MTRF1: variants seen among roughly 807,000 people sequenced by gnomAD.
The protein encoded by MTRF1 is mitochondrial translation release factor 1, also known as peptide chain release factor 1, mitochondrial.
Under a neutral mutation model 62.9 loss-of-function variants are expected in MTRF1, and 51 were observed. The ratio of observed to expected loss-of-function variants is 0.81; its 90% CI spans 0.65 to 1.02. The LOEUF is 1.02. MTRF1 is among the 50% of genes least tolerant of loss of function. The pLI is 0.00. For synonymous variants in MTRF1, 158 were observed against 181.9 expected, an observed-to-expected ratio of 0.87 and a Z score of 1.06; for missense variants, 446 against 530.0, an observed-to-expected ratio of 0.84 and a Z score of 1.56.
At chr13:41,289,749 T>C in the MTRF1 span, among the ~76,000 whole-genome samples, 1 of 152,172 alleles carries the variant, frequency 6.6e-6, no homozygotes, top group African/African-American at 2.4e-5. Context: ...AGAGATCCAC[T>C]GAAAACCGCA....
chr13:41,258,577 A>AAC (rs72245711), intron 2 of MTRF1, among the ~76,000 whole-genome samples: 12,566 of 40,920 alleles, frequency 0.31, 736 homozygotes, highest in African/African-American at 0.37. Context: ...AAAAAAAACA[A>AAC]AAAAAAAAAA....
the MTRF1 span, among the ~76,000 whole-genome samples, chr13:41,306,281 G>A: frequency 2.6e-5 from 4 of 152,070 alleles, no homozygotes; most frequent in Admixed American, 1.3e-4. Context: ...CTACTCCGGA[G>A]GCTGAGACAG....
chr13:41,243,066 ATAATTAGC>A (rs1045147395), intron 5 of MTRF1, among the ~76,000 whole-genome samples: 2 of 152,006 alleles, frequency 1.3e-5, no homozygotes, highest in African/African-American at 4.8e-5. Flanking sequence ...TAAAAATACA[ATAATTAGC>A]TGGGCGTGGT....
intron 7 of MTRF1, among the ~76,000 whole-genome samples, chr13:41,231,358 C>T (rs2035523184): frequency 6.6e-6 from 1 of 152,218 alleles, no homozygotes; most frequent in African/African-American, 2.4e-5. Context: ...CTCAAGTCTC[C>T]TTCCTCAATC....
chr13:41,297,433 CT>C, the MTRF1 span, among the ~76,000 whole-genome samples: 1 of 152,222 alleles, frequency 6.6e-6, no homozygotes, highest in Non-Finnish European at 1.5e-5. Flanking sequence ...CTGGCTGCCA[CT>C]TCCAAAACTG....
chr13:41,219,998 CAAAAAA>C (rs71086550), intron 9 of MTRF1, among the ~76,000 whole-genome samples: 4 of 70,372 alleles, frequency 5.7e-5, no homozygotes, highest in Admixed American at 2.1e-4. Flanking sequence ...ACCTCTGTCT[CAAAAAA>C]AAAAAAAAAA....
At chr13:41,247,648 T>C (rs899154388) in intron 5 of MTRF1, among the ~76,000 whole-genome samples, 1 of 152,158 alleles carries the variant, frequency 6.6e-6, no homozygotes, top group African/African-American at 2.4e-5. Flanking sequence ...CCTCCAGAAC[T>C]GCAGTATTGC....
At chr13:41,274,626 G>A in the MTRF1 span, among the ~76,000 whole-genome samples, 20 of 151,410 alleles carry the variant, frequency 1.3e-4, no homozygotes, top group Admixed American at 3.3e-4. Context: ...TTTACTCCAC[G>A]ATAACTTTGA....
At chr13:41,255,311 G>A (rs2039563368) in intron 2 of MTRF1, among the ~76,000 whole-genome samples, 1 of 152,046 alleles carries the variant, frequency 6.6e-6, no homozygotes, top group South Asian at 2.1e-4. Context: ...CAAACTCCTG[G>A]ACTCAAGCGA....
chr13:41,306,143 G>C, the MTRF1 span, among the ~76,000 whole-genome samples: 1 of 152,190 alleles, frequency 6.6e-6, no homozygotes, highest in Non-Finnish European at 1.5e-5. Context: ...AGCACTTTGG[G>C]AGGCCGAGGT....
At chr13:41,237,303 T>A (rs1214544991) in intron 6 of MTRF1, among the ~76,000 whole-genome samples, 1 of 148,940 alleles carries the variant, frequency 6.7e-6, no homozygotes, top group Admixed American at 6.7e-5. Flanking sequence ...TGAAGCAAGA[T>A]AACTCTATGG....
chr13:41,278,902 G>A, the MTRF1 span, among the ~76,000 whole-genome samples: 6 of 152,298 alleles, frequency 3.9e-5, no homozygotes, highest in African/African-American at 1.4e-4. Flanking sequence ...ATGATGGGAA[G>A]GGGGAGCTGA....
Position 41,216,856 on chromosome 13 carries a change from A to G in MTRF1, c.*259T>C, listed in dbSNP as rs1172724391. 8.8e-6 allele frequency: 2 copies of G among 227,890 alleles called. No individual in the cohort carries two copies. Among genetic ancestry groups the G allele is most frequent in the Non-Finnish European group, 1.7e-5 (2 of 119,088 alleles). 14.1% of individuals were successfully genotyped at this position (227,890 alleles called of 1,614,324 possible). A position where few individuals can be genotyped will look rare whatever the true frequency, so the allele number is the denominator to read the frequency against. ...CAAGTGACTTGTCCTAAATGACACA[A>G]TCAATTCTCAATACTTTCTCTTTTC... On this transcript the variant is annotated 3_prime_UTR_variant, in exon 10 of 10. Transcript: ENST00000379480.
At chr13:41,250,496 A>T (rs1187912764) in intron 5 of MTRF1, among the ~76,000 whole-genome samples, 1 of 151,258 alleles carries the variant, frequency 6.6e-6, no homozygotes, top group Admixed American at 6.6e-5. Context: ...ATTTACTCCA[A>T]ATTTTTTTTT....
intron 5 of MTRF1, among the ~76,000 whole-genome samples, chr13:41,243,849 T>C (rs984160845): frequency 6.6e-6 from 1 of 152,242 alleles, no homozygotes; most frequent in Non-Finnish European, 1.5e-5. Context: ...AGTCTCAGAA[T>C]ACTAATACTA....
chr13:41,260,247 C>T (rs2139195009), intron 2 of MTRF1, among the ~76,000 whole-genome samples: 2 of 151,988 alleles, frequency 1.3e-5, no homozygotes, highest in East Asian at 3.9e-4. Flanking sequence ...GCACAATAGT[C>T]CTAGCTACTC....
At chr13:41,269,102 T>G in the MTRF1 span, among the ~76,000 whole-genome samples, 1 of 151,204 alleles carries the variant, frequency 6.6e-6, no homozygotes, top group Non-Finnish European at 1.5e-5. Context: ...TTATTTCTCT[T>G]TAAGCTTTCT....
the MTRF1 span, among the ~76,000 whole-genome samples, chr13:41,300,875 A>C: frequency 1.9e-4 from 29 of 152,352 alleles, no homozygotes; most frequent in African/African-American, 6.5e-4. Context: ...AGTCAAGAAC[A>C]AAATGCCTTT....
chr13:41,286,073 A>AAAC, the MTRF1 span, among the ~76,000 whole-genome samples: 230 of 100,192 alleles, frequency 2.3e-3, no homozygotes, highest in South Asian at 4.1e-3. Flanking sequence ...CAAAAAAAAC[A>AAAC]AACAACAACA....
Sources: allele counts gnomAD v4.1 joint callset (sites outside exome capture counted in the v4.1 genomes callset), GRCh38; gene constraint gnomAD v4.1.1; transcripts MANE v1.5; gene names NCBI Gene and HGNC (gene_info 2026-07-23, HGNC 2026-07-21).